Variants in SGCE observed in about 807,000 individuals in gnomAD.
SGCE encodes epsilon-sarcoglycan.
A neutral mutation model predicts 57.8 loss-of-function variants in SGCE; 26 were observed. The ratio of observed to expected loss-of-function variants is 0.45; its 90% CI spans 0.33 to 0.62. The LOEUF (loss-of-function observed/expected upper bound fraction) is 0.62. Among genes scored for constraint, SGCE ranks in the 20% least tolerant of loss-of-function variants. The probability of loss-of-function intolerance (pLI) is 0.02; values close to 1 mark genes in which losing one functional copy is unlikely to be tolerated. For missense variants in SGCE, 468 were observed against 548.6 expected (o/e 0.85, Z 1.47); for synonymous variants, 183 against 189.5 (o/e 0.97, Z 0.28).
At chr7:94,587,251 C>G (rs1346653858) in intron 10 of SGCE, 1 of 985,548 alleles carries the variant, frequency 1.0e-6, no homozygotes, top group Non-Finnish European at 1.2e-6. Flanking sequence ...GCTAAAAAAT[C>G]TATGTGACTA....
intron 5 of SGCE, among the ~76,000 whole-genome samples, chr7:94,610,112 C>T (rs558700831): frequency 2.6e-5 from 4 of 152,256 alleles, no homozygotes; most frequent in Non-Finnish European, 4.4e-5. Flanking sequence ...TATGGAAAGG[C>T]TACAGACTAC....
intron 1 of SGCE, 44 bp downstream of exon 1, chr7:94,655,946 G>C: frequency 7.9e-7 from 1 of 1,270,266 alleles, no homozygotes; most frequent in Non-Finnish European, 1.1e-6. Context: ...GGAGGCGGCG[G>C]CCTGTTGGCC....
rs116686678 is a variant in SGCE at position 94,646,480 on chromosome 7, A to T, written c.109+9510T>A. ...CAGAACTATATATCTCAGATGAAAC[A>T]GGAACACCAGTGGAAACTTTAACAA... On this transcript the variant is annotated intron_variant, in intron 1 of 10. Transcript: ENST00000648936. Among the ~76,000 whole-genome samples, 185 of 152,372 alleles carry T rather than the reference A, an allele frequency of 1.2e-3. 1 individual carries two copies. The highest frequency in any genetic ancestry group is 4.4e-3 in the African/African-American group (181 of 41,588).
chr7:94,595,593 TATA>T (rs1324531654), intron 9 of SGCE, among the ~76,000 whole-genome samples: 1 of 152,012 alleles, frequency 6.6e-6, no homozygotes, highest in African/African-American at 2.4e-5. Flanking sequence ...CCTCCCAAAA[TATA>T]ATATCACATT....
intron 10 of SGCE, among the ~76,000 whole-genome samples, chr7:94,586,057 A>G (rs1796842252): frequency 7.1e-6 from 1 of 141,246 alleles, no homozygotes; most frequent in African/African-American, 2.7e-5. Context: ...ACAAGGAACT[A>G]AATGAAAAAA....
intron 1 of SGCE, among the ~76,000 whole-genome samples, chr7:94,654,404 T>G (rs899608143): frequency 2.0e-5 from 3 of 152,138 alleles, no homozygotes; most frequent in African/African-American, 7.2e-5. Flanking sequence ...CTTTCGAATT[T>G]AAACAAACAA....
chr7:94,634,403 C>T (rs1373303532), intron 1 of SGCE, among the ~76,000 whole-genome samples: 2 of 152,108 alleles, frequency 1.3e-5, no homozygotes, highest in East Asian at 1.9e-4. Flanking sequence ...TGTCATTTAC[C>T]GATCACACTG....
chr7:94,601,140 AGTT>A (rs767291699), intron 6 of SGCE, among the ~76,000 whole-genome samples: 1 of 152,064 alleles, frequency 6.6e-6, no homozygotes, highest in Non-Finnish European at 1.5e-5. Context: ...CTATACGTGT[AGTT>A]GTTCTTTTTC....
At position 94,593,992 on chromosome 7, in the gene SGCE, C is replaced by T. The variant is rs532875764; in HGVS notation, c.1253+4783G>A. ...CTCCAAATTCCCATACTCAGAGCCC[C>T]AGAATGTGTACTGTAAAAGCTCTAT... On this transcript the variant is annotated intron_variant, in intron 9 of 10. Coordinates refer to ENST00000648936, the MANE Select transcript of SGCE (RefSeq NM_003919.3). 7.0e-4 allele frequency among the ~76,000 whole-genome samples: 106 copies of T among 152,186 alleles called. 1 individual carries two copies. Among genetic ancestry groups the T allele is most frequent in the African/African-American group, 2.5e-3 (105 of 41,546 alleles).
chr7:94,593,540 C>A (rs1335715768), intron 9 of SGCE, among the ~76,000 whole-genome samples: 1 of 151,826 alleles, frequency 6.6e-6, no homozygotes, highest in Non-Finnish European at 1.5e-5. Context: ...TTGGGATCCT[C>A]CAGTCAATGT....
At chr7:94,610,169 C>G (rs1245783748) in intron 5 of SGCE, among the ~76,000 whole-genome samples, 2 of 152,026 alleles carry the variant, frequency 1.3e-5, no homozygotes, top group Admixed American at 1.3e-4. Context: ...ACTATGGAGA[C>G]AGTAAAAACA....
At chr7:94,647,321 A>C (rs886326970) in intron 1 of SGCE, among the ~76,000 whole-genome samples, 4 of 152,100 alleles carry the variant, frequency 2.6e-5, no homozygotes, top group African/African-American at 9.7e-5. Flanking sequence ...CAAACTTAGC[A>C]CCAAATTCAA....
At chr7:94,590,516 A>G (rs918492501) in intron 9 of SGCE, 7 of 152,208 alleles carry the variant, frequency 4.6e-5, no homozygotes, top group Non-Finnish European at 7.3e-5. Flanking sequence ...AGTTTCACAT[A>G]TTGATACTAA....
intron 10 of SGCE, chr7:94,587,040 G>GGA: frequency 1.0e-6 from 1 of 984,454 alleles, no homozygotes; most frequent in Non-Finnish European, 1.2e-6. Context: ...TAACTAAAAA[G>GGA]GAGAGCAAAG....
intron 4 of SGCE, among the ~76,000 whole-genome samples, 197 bp downstream of exon 4, chr7:94,623,128 G>A (rs1030113951): frequency 1.3e-5 from 2 of 151,972 alleles, no homozygotes; most frequent in Non-Finnish European, 2.9e-5. Context: ...TCCTATCTGA[G>A]TTTTCACCAT....
chr7:94,602,121 C>T (rs1389590058), intron 6 of SGCE, among the ~76,000 whole-genome samples: 3 of 152,004 alleles, frequency 2.0e-5, no homozygotes, highest in African/African-American at 7.2e-5. Flanking sequence ...AGTAAAATGG[C>T]ATTGTTAGGG....
intron 10 of SGCE, chr7:94,588,235 CGGCTTTAAAACCA>C: frequency 4.0e-5 from 42 of 1,044,180 alleles, no homozygotes; most frequent in Non-Finnish European, 4.8e-5. Flanking sequence ...CTTTTTAAAG[CGGCTTTAAAACCA>C]GGCCAGCCAT....
chr7:94,607,462 A>T (rs1800335628), intron 5 of SGCE, among the ~76,000 whole-genome samples: 1 of 152,238 alleles, frequency 6.6e-6, no homozygotes, highest in Non-Finnish European at 1.5e-5. Flanking sequence ...CACAATGATC[A>T]ACTGGGACTT....
chr7:94,601,686 A>G (rs957716834), intron 6 of SGCE, among the ~76,000 whole-genome samples: 3 of 152,078 alleles, frequency 2.0e-5, no homozygotes, highest in African/African-American at 7.2e-5. Flanking sequence ...CACTTGAAAA[A>G]TTTTGTTAAT....
Sources: allele counts gnomAD v4.1 joint callset (sites outside exome capture counted in the v4.1 genomes callset), GRCh38; gene constraint gnomAD v4.1.1; transcripts MANE v1.5; gene names NCBI Gene and HGNC (gene_info 2026-07-23, HGNC 2026-07-21).